The following DIPK1A variants were observed in gnomAD, a reference collection of about 807,000 sequenced individuals.
DIPK1A encodes divergent protein kinase domain 1A.
Under a neutral mutation model 40.8 loss-of-function variants are expected in DIPK1A, and 27 were observed. The ratio of observed to expected loss-of-function variants is 0.66; its 90% CI spans 0.49 to 0.91. The LOEUF (loss-of-function observed/expected upper bound fraction) is 0.91. Among genes scored for constraint, DIPK1A ranks in the 40% least tolerant of loss-of-function variants. The pLI is 0.00. For missense variants in DIPK1A, 412 were observed against 505.7 expected (o/e 0.81, Z 1.78); for synonymous variants, 166 against 171.3 (o/e 0.97, Z 0.24).
At chr1:92,833,531 T>C (rs1455302605) in intron 4 of DIPK1A, 4 of 1,612,438 alleles carry the variant, frequency 2.5e-6, no homozygotes, top group Admixed American at 3.3e-5. Flanking sequence ...TCTACAATTA[T>C]TTTTTTCTTT....
downstream of DIPK1A, chr1:92,841,717 T>G (rs1159254699): frequency 1.7e-6 from 2 of 1,183,402 alleles, no homozygotes; most frequent in Admixed American, 3.9e-5. Flanking sequence ...TTAAATATTC[T>G]ATTCTCTTCA....
At chr1:92,833,104 AC>A (rs1338448603) in intron 4 of DIPK1A, 2 of 700,930 alleles carry the variant, frequency 2.9e-6, no homozygotes, top group Non-Finnish European at 5.2e-6. Flanking sequence ...ATAATTTTAT[AC>A]CTGTTAAATG....
intron 1 of DIPK1A, among the ~76,000 whole-genome samples, chr1:92,935,222 A>G (rs1309098981): frequency 6.6e-6 from 1 of 152,202 alleles, no homozygotes; most frequent in Non-Finnish European, 1.5e-5. Flanking sequence ...TGTCTAAATA[A>G]TACTAAAAAG....
chr1:92,910,085 G>C (rs1051149456), intron 1 of DIPK1A, among the ~76,000 whole-genome samples: 1 of 152,126 alleles, frequency 6.6e-6, no homozygotes, highest in Non-Finnish European at 1.5e-5. Context: ...TGTTGATTCC[G>C]AGCAAGTAAA....
intron 2 of DIPK1A, among the ~76,000 whole-genome samples, chr1:92,866,295 T>A (rs1043210780): frequency 1.3e-5 from 2 of 152,180 alleles, no homozygotes; most frequent in African/African-American, 4.8e-5. Context: ...AGAGATGGGT[T>A]TTCACCATGT....
downstream of DIPK1A, chr1:92,841,908 C>T (rs1425009353): frequency 5.7e-6 from 8 of 1,404,368 alleles, no homozygotes; most frequent in Admixed American, 3.4e-5. Context: ...AGATAATAAA[C>T]TTATGAACAG....
rs190378573 is a variant in DIPK1A, at chr1:92,925,688, G to T, written c.54+35688C>A. 4.7e-3 allele frequency among the ~76,000 whole-genome samples: 721 copies of T among 152,130 alleles called. 4 individuals carry two copies. Among genetic ancestry groups the T allele is most frequent in the African/African-American group, 0.017 (697 of 41,504 alleles). ...TTTGTATTTTTAGTAGAGATGGGGGGTTTCACCATGTTGGCCAGGCTGGTC... is the reference window on the plus strand; with the variant it reads ...TTTGTATTTTTAGTAGAGATGGGGGTTTTCACCATGTTGGCCAGGCTGGTC... On this transcript the variant is annotated intron_variant, in intron 1 of 4. Coordinates refer to ENST00000370310, the MANE Select transcript of DIPK1A (RefSeq NM_001006605.5).
chr1:92,873,614 CAAA>C (rs201704736), intron 2 of DIPK1A, among the ~76,000 whole-genome samples: 1 of 78,082 alleles, frequency 1.3e-5, no homozygotes. Flanking sequence ...AACTCTGTCT[CAAA>C]AAAAAAAAAA....
chr1:92,959,903 CTTTT>C lies in DIPK1A; in HGVS notation c.54+1469_54+1472del, dbSNP rs1157142089. Among the ~76,000 whole-genome samples, 56 of 47,878 alleles carry C rather than the reference CTTTT, an allele frequency of 1.2e-3. 2 individuals are homozygous for C. The highest frequency in any genetic ancestry group is 5.7e-3 in the African/African-American group (52 of 9,080). The allele number at this position is 47,878 out of a possible 152,430, so 31.4% of individuals were successfully genotyped here. Reference sequence around the variant, plus strand: ...GCTGGGACCACAGGCACCCAACCAACTTTTTTTTTTTTTTTTTTTTTTTTGTATT... The same window carrying C: ...GCTGGGACCACAGGCACCCAACCAACTTTTTTTTTTTTTTTTTTTTGTATT... On this transcript the variant is annotated intron_variant, in intron 1 of 4. Transcript: ENST00000370310.
At chr1:92,851,476 G>A (rs966432479) in intron 2 of DIPK1A, among the ~76,000 whole-genome samples, 1 of 147,798 alleles carries the variant, frequency 6.8e-6, no homozygotes, top group Non-Finnish European at 1.5e-5. Flanking sequence ...CTGGGAGGCA[G>A]AGGTTGTGGT....
intron 1 of DIPK1A, among the ~76,000 whole-genome samples, chr1:92,883,053 T>C (rs981852547): frequency 1.3e-5 from 2 of 152,242 alleles, no homozygotes; most frequent in African/African-American, 4.8e-5. Context: ...TCTTAGCCAC[T>C]GAGGAAGTGA....
chr1:92,948,224 A>G (rs1651448094), intron 1 of DIPK1A, among the ~76,000 whole-genome samples: 1 of 152,126 alleles, frequency 6.6e-6, no homozygotes, highest in South Asian at 2.1e-4. Context: ...AGTGGGAGGG[A>G]CATTCCAAGG....
Position 92,893,357 on chromosome 1 carries a change from T to C in DIPK1A, c.55-16927A>G, listed in dbSNP as rs559777007. ...AGTGGGGGCCAATATTCAACATGCT[T>C]AAAGAAAAGAATTTTCAACCCAGAA... On this transcript the variant is annotated intron_variant, in intron 1 of 4. Transcript: ENST00000370310. 4.0e-5 allele frequency among the ~76,000 whole-genome samples: 6 copies of C among 151,788 alleles called. No individual in the cohort carries two copies. The East Asian group carries it at 1.2e-3, about 29-fold the overall frequency.
At chr1:92,926,877 G>C (rs558737006) in intron 1 of DIPK1A, among the ~76,000 whole-genome samples, 1 of 152,020 alleles carries the variant, frequency 6.6e-6, no homozygotes, top group South Asian at 2.1e-4. Flanking sequence ...TTGAAGCTTT[G>C]TATCTTTTGT....
At chr1:92,890,450 G>C (rs2100800494) in intron 1 of DIPK1A, among the ~76,000 whole-genome samples, 1 of 152,234 alleles carries the variant, frequency 6.6e-6, no homozygotes, top group Admixed American at 6.5e-5. Flanking sequence ...TTGGCTGTGG[G>C]TTTGTCATAG....
intron 1 of DIPK1A, among the ~76,000 whole-genome samples, chr1:92,953,273 G>A (rs1227452526): frequency 2.0e-5 from 3 of 151,738 alleles, no homozygotes; most frequent in Admixed American, 2.0e-4. Context: ...TGCAGACGGG[G>A]ATGTGGAAAA....
chr1:92,856,307 A>C (rs1687987319), intron 2 of DIPK1A, among the ~76,000 whole-genome samples: 1 of 152,064 alleles, frequency 6.6e-6, no homozygotes, highest in Non-Finnish European at 1.5e-5. Flanking sequence ...CAAACAAAAA[A>C]GCTGAATTAG....
At chr1:92,867,147 T>G (rs560346240) in intron 2 of DIPK1A, among the ~76,000 whole-genome samples, 7 of 152,300 alleles carry the variant, frequency 4.6e-5, no homozygotes, top group African/African-American at 1.7e-4. Flanking sequence ...CCTAAATAAT[T>G]TGCCCAACTT....
intron 1 of DIPK1A, among the ~76,000 whole-genome samples, chr1:92,881,472 G>T (rs1054431822): frequency 5.3e-5 from 8 of 152,048 alleles, no homozygotes; most frequent in Non-Finnish European, 1.2e-4. Context: ...ATTTGCAGGA[G>T]CATATTCTGT....
Sources: gnomAD v4.1 joint callset for allele counts (sites outside exome capture counted in the v4.1 genomes callset) on GRCh38, gnomAD v4.1.1 for gene constraint, MANE v1.5 for transcripts, NCBI Gene and HGNC (gene_info 2026-07-23, HGNC 2026-07-21) for gene names.